TNFSF4: variants seen among roughly 807,000 people sequenced by gnomAD.
TNFSF4 encodes TNF superfamily member 4.
In TNFSF4, 4 loss-of-function variants were observed where a neutral mutation model predicts 7.3. That is an observed-to-expected ratio of 0.55 (90% CI 0.27 to 1.25). TNFSF4 has a LOEUF of 1.25. Ranked by LOEUF, TNFSF4 falls within the 50% of genes most tolerant of loss-of-function variation. TNFSF4 has a pLI of 0.12. For missense variants in TNFSF4, 181 were observed against 208.8 expected, an observed-to-expected ratio of 0.87 and a Z score of 0.82; for synonymous variants, 76 against 83.7, an observed-to-expected ratio of 0.91 and a Z score of 0.50.
At chr1:173,367,322 C>T in the TNFSF4 span, among the ~76,000 whole-genome samples, 10 of 152,182 alleles carry the variant, frequency 6.6e-5, no homozygotes, top group East Asian at 1.9e-4. Flanking sequence ...ATACAGCCTC[C>T]GAACCTATCT....
chr1:173,193,481 T>A (rs1018784296), intron 1 of TNFSF4, among the ~76,000 whole-genome samples: 1 of 152,194 alleles, frequency 6.6e-6, no homozygotes, highest in African/African-American at 2.4e-5. Flanking sequence ...ATATTTTGCA[T>A]ATGAAGAAAT....
At chr1:173,366,355 C>G in the TNFSF4 span, among the ~76,000 whole-genome samples, 2 of 152,006 alleles carry the variant, frequency 1.3e-5, no homozygotes, top group African/African-American at 4.8e-5. Context: ...GTGAAATAAG[C>G]CAGGCACAGA....
At chr1:173,231,628 T>C in the TNFSF4 span, among the ~76,000 whole-genome samples, 1 of 152,090 alleles carries the variant, frequency 6.6e-6, no homozygotes, top group Non-Finnish European at 1.5e-5. Flanking sequence ...ATAAAAGGAA[T>C]TTTATTTATT....
At chr1:173,230,918 A>C in the TNFSF4 span, among the ~76,000 whole-genome samples, 43 of 152,334 alleles carry the variant, frequency 2.8e-4, no homozygotes, top group South Asian at 4.6e-3. Context: ...CCCTGAATGG[A>C]CCTATAACAG....
the TNFSF4 span, among the ~76,000 whole-genome samples, chr1:173,429,171 T>C: frequency 0.16 from 24,792 of 152,106 alleles, 2,751 homozygotes; most frequent in African/African-American, 0.3. Flanking sequence ...TCTACTTGTA[T>C]GTATCTTTGA....
chr1:173,311,139 A>G, the TNFSF4 span, among the ~76,000 whole-genome samples: 1 of 151,920 alleles, frequency 6.6e-6, no homozygotes, highest in Non-Finnish European at 1.5e-5. Flanking sequence ...GGGTCTTAAT[A>G]TTTGTTATCT....
At chr1:173,296,961 AC>A in the TNFSF4 span, among the ~76,000 whole-genome samples, 1 of 151,996 alleles carries the variant, frequency 6.6e-6, no homozygotes, top group East Asian at 1.9e-4. Flanking sequence ...AGATATTACT[AC>A]TTCCCTTCCT....
chr1:173,289,244 G>A, the TNFSF4 span, among the ~76,000 whole-genome samples: 3 of 150,822 alleles, frequency 2.0e-5, no homozygotes, highest in Non-Finnish European at 3.0e-5. Context: ...ATGGCATAAC[G>A]TGAGGCCAAA....
chr1:173,391,457 A>AC, the TNFSF4 span, among the ~76,000 whole-genome samples: 3 of 131,012 alleles, frequency 2.3e-5, no homozygotes, highest in Non-Finnish European at 3.2e-5. Context: ...AAAAAAAAAA[A>AC]AAAAAAAAAG....
the TNFSF4 span, among the ~76,000 whole-genome samples, chr1:173,343,271 A>T: frequency 6.6e-6 from 1 of 152,226 alleles, no homozygotes; most frequent in Non-Finnish European, 1.5e-5. Flanking sequence ...AATTTCTGTC[A>T]GGGAAGGGAG....
chr1:173,246,147 T>C, the TNFSF4 span, among the ~76,000 whole-genome samples: 1 of 152,170 alleles, frequency 6.6e-6, no homozygotes, highest in Admixed American at 6.5e-5. Flanking sequence ...TTGAGAAACA[T>C]CTATACTTTT....
chr1:173,173,017 TC>T, the TNFSF4 span, among the ~76,000 whole-genome samples: 1 of 151,922 alleles, frequency 6.6e-6, no homozygotes, highest in East Asian at 1.9e-4. Context: ...GGAGGAAAAA[TC>T]CCCTATAAAA....
chr1:173,310,594 T>C, the TNFSF4 span, among the ~76,000 whole-genome samples: 3 of 151,736 alleles, frequency 2.0e-5, no homozygotes, highest in African/African-American at 7.2e-5. Flanking sequence ...AAAGAACGTA[T>C]AGTGTTATAT....
chr1:173,423,190 T>G, the TNFSF4 span, among the ~76,000 whole-genome samples: 1 of 152,128 alleles, frequency 6.6e-6, no homozygotes, highest in Non-Finnish European at 1.5e-5. Flanking sequence ...ATAAGCACCC[T>G]CCCTAAATCT....
At chr1:173,362,834 C>CT in the TNFSF4 span, 3 of 437,866 alleles carry the variant, frequency 6.9e-6, no homozygotes, top group African/African-American at 6.2e-5. Flanking sequence ...GCAAGACAAG[C>CT]TGAACATTGG....
the TNFSF4 span, among the ~76,000 whole-genome samples, chr1:173,299,607 G>T: frequency 6.6e-6 from 1 of 151,928 alleles, no homozygotes; most frequent in Non-Finnish European, 1.5e-5. Context: ...AAGATCCACA[G>T]GAGGTAACTC....
chr1:173,308,307 G>GTC, the TNFSF4 span, among the ~76,000 whole-genome samples: 1 of 149,866 alleles, frequency 6.7e-6, no homozygotes, highest in Middle Eastern at 3.2e-3. Flanking sequence ...GTGTGTGTGT[G>GTC]TGTGTCTGTG....
intron 1 of TNFSF4, among the ~76,000 whole-genome samples, chr1:173,199,952 C>T (rs1649872926): frequency 6.6e-6 from 1 of 152,156 alleles, no homozygotes; most frequent in African/African-American, 2.4e-5. Context: ...ACATACAATG[C>T]TTTGACCATT....
At chr1:173,418,762 C>T in the TNFSF4 span, 1 of 152,310 alleles carries the variant, frequency 6.6e-6, no homozygotes, top group East Asian at 1.9e-4. Context: ...CCTACACTGA[C>T]TCACAGATGT....
Sources: gnomAD v4.1 joint callset for allele counts (sites outside exome capture counted in the v4.1 genomes callset) on GRCh38, gnomAD v4.1.1 for gene constraint, MANE v1.5 for transcripts, NCBI Gene and HGNC (gene_info 2026-07-23, HGNC 2026-07-21) for gene names.